TLE2: variants seen among roughly 807,000 people sequenced by gnomAD.
The protein encoded by TLE2 is transducin-like enhancer protein 2.
Under a neutral mutation model 97.2 loss-of-function variants are expected in TLE2, and 74 were observed. The ratio of observed to expected loss-of-function variants is 0.76; its 90% confidence interval spans 0.63 to 0.92. The LOEUF is 0.92. Among genes scored for constraint, TLE2 ranks in the 40% least tolerant of loss-of-function variants. The pLI is 0.00. For missense variants in TLE2, 1,038 were observed against 1,008.7 expected (o/e 1.03, Z -0.39); for synonymous variants, 499 against 432.1 (o/e 1.15, Z -1.92).
At chr19:3,044,417 T>C (rs1293535424) in intron 1 of TLE2, among the ~76,000 whole-genome samples, 1 of 152,114 alleles carries the variant, frequency 6.6e-6, no homozygotes, top group Non-Finnish European at 1.5e-5. Flanking sequence ...TCTCACTGGC[T>C]TCTCTGCCCT....
intron 1 of TLE2, among the ~76,000 whole-genome samples, chr19:3,044,671 C>T (rs747329270): frequency 9.9e-5 from 15 of 152,224 alleles, no homozygotes; most frequent in Non-Finnish European, 1.9e-4. Context: ...CCTCCTGCCT[C>T]GGCCTCCCGA....
At chr19:3,021,095 A>AT (rs2089829253) in intron 5 of TLE2, among the ~76,000 whole-genome samples, 2 of 110,286 alleles carry the variant, frequency 1.8e-5, no homozygotes, top group South Asian at 7.1e-4. Flanking sequence ...TCTCAAAAAA[A>AT]AAAAAAAAAA....
intron 17 of TLE2, among the ~76,000 whole-genome samples, chr19:3,003,573 G>A (rs1011815469): frequency 6.6e-6 from 1 of 151,996 alleles, no homozygotes; most frequent in African/African-American, 2.4e-5. Context: ...GGGAGGTGGA[G>A]GTTGCAGTGA....
At chr19:2,998,099 T>C (rs1599184528) in intron 19 of TLE2, 144 bp from the exon 20 acceptor site, 1 of 632,020 alleles carries the variant, frequency 1.6e-6, no homozygotes, top group East Asian at 2.8e-5. Flanking sequence ...AGATGGAGTT[T>C]TGTTCTTGTC....
chr19:3,025,474 G>A (rs1956661153), intron 4 of TLE2: 3 of 1,023,946 alleles, frequency 2.9e-6, no homozygotes, highest in Non-Finnish European at 3.5e-6. Context: ...TGGAGTCCCA[G>A]ATTCCAGCCC....
chr19:3,046,354 C>G (rs1393510223), upstream of TLE2, among the ~76,000 whole-genome samples: 2 of 152,228 alleles, frequency 1.3e-5, no homozygotes, highest in African/African-American at 4.8e-5. Context: ...GGCACCTGGC[C>G]GGCCTGACTG....
intron 1 of TLE2, among the ~76,000 whole-genome samples, chr19:3,041,436 G>C (rs986677500): frequency 2.0e-5 from 3 of 152,038 alleles, no homozygotes; most frequent in African/African-American, 7.2e-5. Context: ...TCCAGGCTTC[G>C]CCACCGGGAT....
In TLE2 at chr19:3,043,641, T is replaced by A. The variant is rs12975163; in HGVS notation, c.63+2085A>T. ...GGTGAAACCCCGTCTCTACTAAAAA[T>A]ACAAAAAAAAAAAAAAAAATTAGCC... is the stretch of plus-strand genomic sequence containing the variant. On this transcript the variant is annotated intron_variant, in intron 1 of 18. Coordinates refer to the TLE2 transcript ENST00000426948. Among the ~76,000 whole-genome samples, 408 of 81,386 alleles carry A rather than the reference T, an allele frequency of 5.0e-3. 1 individual carries two copies. Among genetic ancestry groups the A allele is most frequent in the African/African-American group, 0.015 (285 of 18,426 alleles). The allele number at this position is 81,386 out of a possible 152,430, so 53.4% of individuals were successfully genotyped here. A position where few individuals can be genotyped will look rare whatever the true frequency, so the allele number is the denominator to read the frequency against.
chr19:3,043,960 G>A lies in TLE2; in HGVS notation c.63+1766C>T, dbSNP rs556617580. ...GATCGCACCACTGCACTCCAGCCTC[G>A]GCGACAGAGCAAGACTCTGTCTCAA... On this transcript the variant is annotated intron_variant, in intron 1 of 18. Transcript: ENST00000426948. Among the ~76,000 whole-genome samples, 13 of 152,144 alleles carry A rather than the reference G, an allele frequency of 8.5e-5. 1 individual carries two copies. The South Asian group carries it at 1.2e-3, about 15-fold the overall frequency.
Position 3,011,090 on chromosome 19 carries a change from G to T in TLE2, c.944C>A (p.Pro315His). The change falls in exon 12 of 20, where the codon CCC becomes CAC. Residue 315 changes from proline to histidine, a missense_variant. Pro to His is a moderately conservative substitution (Grantham distance 77). Coordinates refer to ENST00000262953, the MANE Select transcript of TLE2 (RefSeq NM_003260.5). ...GAGGTGACTGGCCGAGCTGGGCCCGGGGGTGGAAGCGTCCTGGGGCGGGGA... is the reference window on the plus strand; with the variant it reads ...GAGGTGACTGGCCGAGCTGGGCCCGTGGGTGGAAGCGTCCTGGGGCGGGGA... ...DSSPPQDASTPGPSSASHLCQ... is the reference protein window; with the variant it reads ...DSSPPQDASTHGPSSASHLCQ... The T allele has an allele frequency of 6.2e-7, 1 of 1,611,090 alleles. No homozygotes were observed. The highest frequency in any genetic ancestry group is 8.5e-7 in the Non-Finnish European group (1 of 1,179,264).
intron 1 of TLE2, among the ~76,000 whole-genome samples, chr19:3,035,036 A>G (rs1054820037): frequency 6.6e-6 from 1 of 152,172 alleles, no homozygotes; most frequent in African/African-American, 2.4e-5. Flanking sequence ...GGCACACTGC[A>G]CCGGGGAGGG....
intron 10 of TLE2, 149 bp from the exon 11 acceptor site, chr19:3,013,967 G>T: frequency 1.3e-6 from 1 of 791,182 alleles, no homozygotes; most frequent in Non-Finnish European, 1.8e-6. Flanking sequence ...TGCTGCCTCA[G>T]TTTACTCATC....
chr19:3,005,653 T>C, intron 16 of TLE2, 68 bp downstream of exon 16: 1 of 1,607,286 alleles, frequency 6.2e-7, no homozygotes, highest in Non-Finnish European at 8.5e-7. Context: ...CAGGTCACAC[T>C]CCTCCACTCC....
chr19:3,006,446 T>A lies in TLE2; in HGVS notation c.1474A>T (p.Thr492Ser). The change falls in exon 15 of 20, where the codon ACG (threonine) becomes TCG (serine). Residue 492 changes from threonine (T) to serine (S), a missense_variant. Physicochemically the swap from Thr to Ser is moderately conservative, Grantham distance 58. Transcript: ENST00000262953. ...AGGCAGTCGAGCTGGGCCACGGGCG[T>A]CTTGGCCCCAGGCTGGCCCACGTCC... ...VWDVGQPGAK[T>S]PVAQLDCLNR... 1.2e-6 allele frequency: 2 copies of A among 1,610,500 alleles called. No individual in the cohort carries two copies. Among genetic ancestry groups the A allele is most frequent in the Non-Finnish European group, 8.5e-7 (1 of 1,179,546 alleles).
rs1266102349 is a variant in TLE2 at position 2,999,605 on chromosome 19, G to T, written c.2124+1042C>A. Among the ~76,000 whole-genome samples the T allele has an allele frequency of 4.6e-5, 7 of 151,286 alleles. No homozygotes were observed. The South Asian group carries it at 1.3e-3, about 27-fold the overall frequency. On this transcript the variant is annotated intron_variant, in intron 19 of 19. Coordinates refer to ENST00000262953, the MANE Select transcript of TLE2 (RefSeq NM_003260.5). ...AGCCAGGTGTGGTGGCGGGTACCTG[G>T]AGTCCCAGCTACTCGGGAGGCTGAG...
intron 5 of TLE2, 25 bp downstream of exon 5, chr19:3,024,991 CTCCT>C: frequency 1.3e-6 from 2 of 1,563,410 alleles, no homozygotes; most frequent in Admixed American, 1.9e-5. Flanking sequence ...CTCCCTTCCC[CTCCT>C]CCCCCCACCC....
upstream of TLE2, among the ~76,000 whole-genome samples, chr19:3,046,579 AC>A (rs927889016): frequency 1.1e-4 from 10 of 89,268 alleles, no homozygotes; most frequent in African/African-American, 1.6e-4. Context: ...ACACCCCCCC[AC>A]CCCCCACCCC....
At chr19:3,041,399 T>C (rs2090102319) in intron 1 of TLE2, among the ~76,000 whole-genome samples, 1 of 152,172 alleles carries the variant, frequency 6.6e-6, no homozygotes, top group Non-Finnish European at 1.5e-5. Context: ...GGCTGAGAGC[T>C]TGCCCTGTGA....
intron 4 of TLE2, among the ~76,000 whole-genome samples, chr19:3,026,598 CTGAGG>C (rs2089948892): frequency 1.2e-5 from 1 of 82,702 alleles, no homozygotes; most frequent in Non-Finnish European, 2.3e-5. Context: ...TCTCTGAACC[CTGAGG>C]TCAATCTCAG....
Sources: gnomAD v4.1 joint callset for allele counts (sites outside exome capture counted in the v4.1 genomes callset) on GRCh38, gnomAD v4.1.1 for gene constraint, MANE v1.5 for transcripts, NCBI Gene and HGNC (gene_info 2026-07-23, HGNC 2026-07-21) for gene names.